ADGRV1: variants seen among roughly 807,000 people sequenced by gnomAD.
The protein encoded by ADGRV1 is adhesion G protein-coupled receptor V1.
In ADGRV1, 359 loss-of-function variants were observed where a neutral mutation model predicts 596.2. The observed-to-expected ratio is 0.60, with a 90% CI of 0.55 to 0.66. ADGRV1 has a LOEUF of 0.66. Among genes scored for constraint, ADGRV1 ranks in the 30% least tolerant of loss-of-function variants. The pLI is 0.00. For synonymous variants in ADGRV1, 2,681 were observed against 2,679.2 expected, an observed-to-expected ratio of 1.00 and a Z score of -0.02; for missense variants, 7,274 against 7,575.6, an observed-to-expected ratio of 0.96 and a Z score of 1.48.
intron 84 of ADGRV1, among the ~76,000 whole-genome samples, chr5:90,981,149 C>G (rs1780044584): frequency 6.6e-6 from 1 of 152,068 alleles, no homozygotes; most frequent in Non-Finnish European, 1.5e-5. Flanking sequence ...AGACATCAAT[C>G]AACATATGGA....
chr5:91,086,963 T>C (rs1245345154), intron 86 of ADGRV1, among the ~76,000 whole-genome samples: 2 of 152,220 alleles, frequency 1.3e-5, no homozygotes, highest in Non-Finnish European at 2.9e-5. Context: ...AACATCTCGT[T>C]ACTCACCTTC....
rs370516642 is a variant in ADGRV1 at position 90,957,373 on chromosome 5, T to G, written c.17857-8042T>G. On this transcript the variant is annotated intron_variant, in intron 83 of 89. Coordinates refer to ENST00000405460, the MANE Select transcript of ADGRV1 (RefSeq NM_032119.4). ...TGCTGTATTTCTTATAAAAATAAAT[T>G]AGTACTTCTTTGGCTGTATACCAGA... Among the ~76,000 whole-genome samples, 3 of 151,932 alleles carry G rather than the reference T, an allele frequency of 2.0e-5. No homozygotes were observed. The South Asian group carries it at 6.2e-4, about 32-fold the overall frequency.
chr5:90,902,560 C>T (rs193199273), intron 83 of ADGRV1, among the ~76,000 whole-genome samples: 50 of 152,192 alleles, frequency 3.3e-4, no homozygotes, highest in Middle Eastern at 3.4e-3. Flanking sequence ...TCAATATATG[C>T]GCATCAATAT....
At chr5:90,907,147 T>C (rs1772404691) in intron 83 of ADGRV1, among the ~76,000 whole-genome samples, 1 of 152,220 alleles carries the variant, frequency 6.6e-6, no homozygotes, top group Non-Finnish European at 1.5e-5. Context: ...ATGGTGGCAT[T>C]GTTGACATTT....
chr5:90,678,505 G>A (rs763542246), intron 25 of ADGRV1, among the ~76,000 whole-genome samples: 60 of 148,356 alleles, frequency 4.0e-4, no homozygotes, highest in Admixed American at 1.5e-3. Flanking sequence ...AGTCCATTTC[G>A]TGCTGCTATA....
intron 36 of ADGRV1, 50 bp downstream of exon 36, chr5:90,704,538 A>G: frequency 1.7e-6 from 2 of 1,171,752 alleles, no homozygotes; most frequent in Non-Finnish European, 2.4e-6. Flanking sequence ...TTTTCGTAAA[A>G]GAAAGAAAAT....
chr5:90,836,724 G>A (rs1291953504), intron 77 of ADGRV1, among the ~76,000 whole-genome samples: 1 of 152,196 alleles, frequency 6.6e-6, no homozygotes, highest in Non-Finnish European at 1.5e-5. Flanking sequence ...TAATGAAGGA[G>A]TTTGGGTAAA....
chr5:90,763,835 T>C (rs902723420), intron 59 of ADGRV1, among the ~76,000 whole-genome samples: 5 of 152,248 alleles, frequency 3.3e-5, no homozygotes, highest in Non-Finnish European at 5.9e-5. Flanking sequence ...ATTGCATCTA[T>C]GTTGCTTCAA....
At chr5:90,969,921 C>A (rs568463618) in intron 84 of ADGRV1, among the ~76,000 whole-genome samples, 3 of 152,310 alleles carry the variant, frequency 2.0e-5, no homozygotes, top group Middle Eastern at 3.4e-3. Flanking sequence ...CGAAGCAGGG[C>A]GAGGCATCGC....
chr5:90,857,502 A>G (rs1238957112), intron 82 of ADGRV1, among the ~76,000 whole-genome samples: 1 of 152,166 alleles, frequency 6.6e-6, no homozygotes, highest in Non-Finnish European at 1.5e-5. Flanking sequence ...AAATACCTGT[A>G]TATCTTTTCT....
At chr5:90,614,798 A>G (rs756371457) in intron 1 of ADGRV1, 37 bp from the exon 2 acceptor site, 2 of 1,377,522 alleles carry the variant, frequency 1.5e-6, no homozygotes, top group East Asian at 2.4e-5. Flanking sequence ...TAGATTAGAT[A>G]TATTTTGTGA....
At chr5:90,857,958 C>T (rs991668800) in intron 82 of ADGRV1, among the ~76,000 whole-genome samples, 6 of 152,044 alleles carry the variant, frequency 3.9e-5, no homozygotes, top group Non-Finnish European at 2.9e-5. Context: ...CAGAGTAGAT[C>T]ACAATGTATC....
chr5:90,733,344 T>C (rs57985920), intron 50 of ADGRV1, among the ~76,000 whole-genome samples: 4,522 of 152,254 alleles, frequency 0.03, 211 homozygotes, highest in African/African-American at 0.1. Flanking sequence ...TATAGAAGCA[T>C]GTGTAGGTGG....
At chr5:90,636,740 G>A (rs1055255576) in intron 10 of ADGRV1, among the ~76,000 whole-genome samples, 1 of 151,680 alleles carries the variant, frequency 6.6e-6, no homozygotes, top group East Asian at 1.9e-4. Context: ...CTAGTCTCAG[G>A]TTATGACGAT....
At position 90,572,881 on chromosome 5, in the gene ADGRV1, A is replaced by T. The variant is rs116343306; in HGVS notation, c.22+13964A>T. The stretch of plus-strand genomic sequence containing the variant: ...GGAGGAAGGATACGTCAGAGAATGT[A>T]TTCATGCCCTTCCTCACCTACCAGG... On this transcript the variant is annotated intron_variant, in intron 1 of 89. Coordinates refer to ENST00000405460, the MANE Select transcript of ADGRV1 (RefSeq NM_032119.4). Among the ~76,000 whole-genome samples, 720 of 152,286 alleles carry T rather than the reference A, an allele frequency of 4.7e-3. 2 individuals carry two copies. Among genetic ancestry groups the T allele is most frequent in the African/African-American group, 0.017 (697 of 41,586 alleles).
chr5:90,743,989 GAT>G (rs10544139), intron 50 of ADGRV1, among the ~76,000 whole-genome samples: 113,674 of 151,440 alleles, frequency 0.75, 43,118 homozygotes, highest in African/African-American at 0.84. Flanking sequence ...CCTATTAACT[GAT>G]ATATATATAT....
At chr5:91,073,936 G>A (rs1207051920) in intron 86 of ADGRV1, among the ~76,000 whole-genome samples, 4 of 152,018 alleles carry the variant, frequency 2.6e-5, no homozygotes, top group South Asian at 2.1e-4. Flanking sequence ...GAGCTCAGGC[G>A]ATCCACCTGC....
chr5:90,837,562 A>G (rs74394442), intron 77 of ADGRV1, among the ~76,000 whole-genome samples: 4,296 of 151,710 alleles, frequency 0.028, 276 homozygotes, highest in East Asian at 0.28. Context: ...TAGAGGTGAC[A>G]TTTCACCATG....
intron 85 of ADGRV1, among the ~76,000 whole-genome samples, chr5:91,029,107 C>G (rs182204494): frequency 1.3e-5 from 2 of 152,268 alleles, no homozygotes; most frequent in East Asian, 3.9e-4. Flanking sequence ...ACTCCACATT[C>G]TACTCCTTCA....
Sources: gnomAD v4.1 joint callset for allele counts (sites outside exome capture counted in the v4.1 genomes callset) on GRCh38, gnomAD v4.1.1 for gene constraint, MANE v1.5 for transcripts, NCBI Gene and HGNC (gene_info 2026-07-23, HGNC 2026-07-21) for gene names.